SRPRA: variants seen among roughly 807,000 people sequenced by gnomAD.
SRPRA encodes SRP receptor subunit alpha, also known as signal recognition particle receptor subunit alpha.
A neutral mutation model predicts 61.1 loss-of-function variants in SRPRA; 30 were observed. The ratio of observed to expected loss-of-function variants is 0.49; its 90% CI spans 0.37 to 0.67. SRPRA has a LOEUF of 0.67. Ranked by LOEUF, SRPRA falls within the 30% of genes least tolerant of loss-of-function variation. The pLI is 0.00. For missense variants in SRPRA, 759 were observed against 828.4 expected, an observed-to-expected ratio of 0.92 and a Z score of 1.03; for synonymous variants, 324 against 299.7, an observed-to-expected ratio of 1.08 and a Z score of -0.84.
the SRPRA span, chr11:126,241,151 A>G: frequency 8.5e-7 from 1 of 1,175,148 alleles, no homozygotes; most frequent in Non-Finnish European, 1.2e-6. Context: ...TAACAGGGAT[A>G]TTCATTTACA....
chr11:126,248,307 A>T, the SRPRA span, among the ~76,000 whole-genome samples: 2 of 137,704 alleles, frequency 1.5e-5, no homozygotes, highest in Non-Finnish European at 1.5e-5. Flanking sequence ...AAAGAGCACC[A>T]TATTTTTTAT....
chr11:126,240,265 CT>C, the SRPRA span, among the ~76,000 whole-genome samples: 7 of 146,058 alleles, frequency 4.8e-5, no homozygotes, highest in South Asian at 6.5e-4. Flanking sequence ...CTATTGGCCA[CT>C]TTTTTTTTCT....
chr11:126,241,027 A>G, the SRPRA span: 3 of 1,600,044 alleles, frequency 1.9e-6, no homozygotes, highest in Non-Finnish European at 2.6e-6. Flanking sequence ...CCATGACCTT[A>G]TCCAGAAACT....
chr11:126,246,988 A>C, the SRPRA span, among the ~76,000 whole-genome samples: 3 of 152,198 alleles, frequency 2.0e-5, no homozygotes, highest in Admixed American at 2.0e-4. Context: ...GGGACCCCCT[A>C]TCTCTACACA....
In SRPRA at chr11:126,266,040, T is replaced by A. The variant is rs767522749; in HGVS notation, c.974A>T (p.Lys325Met). 1.2e-6 allele frequency: 2 copies of A among 1,614,172 alleles called. No homozygotes were observed. Among genetic ancestry groups the A allele is most frequent in the Non-Finnish European group, 8.5e-7 (1 of 1,180,040 alleles). ...CAAGCTCTTTGAACCCACAAGGCCC[T>A]TCAGCATACCAAACATGCCACCCAG... ...GTLGGMFGMLKGLVGSKSLSR... is the reference protein window; with the variant it reads ...GTLGGMFGMLMGLVGSKSLSR... Residue 325 changes from lysine (K) to methionine (M), a missense_variant, in exon 8 of 14, where the codon AAG becomes ATG. This residue lies in a region of SRPRA where 475 missense variants were observed against 462.5 expected (regional missense o/e 1.03). Transcript: ENST00000332118.
downstream of SRPRA, chr11:126,262,469 C>T (rs867068066): frequency 8.8e-6 from 3 of 340,364 alleles, no homozygotes; most frequent in Middle Eastern, 7.7e-4. Context: ...ATGAAGGACT[C>T]GGGGTCTGGA....
chr11:126,237,993 G>A, the SRPRA span, among the ~76,000 whole-genome samples: 1 of 151,196 alleles, frequency 6.6e-6, no homozygotes, highest in Non-Finnish European at 1.5e-5. Context: ...TGGTATAACT[G>A]TTATGTTGGG....
chr11:126,245,665 G>T, the SRPRA span, among the ~76,000 whole-genome samples: 12 of 151,960 alleles, frequency 7.9e-5, no homozygotes, highest in African/African-American at 2.9e-4. Context: ...TTGTACCTCA[G>T]CCTGGGCAAC....
chr11:126,242,006 C>T, the SRPRA span, among the ~76,000 whole-genome samples: 1 of 111,220 alleles, frequency 9.0e-6, no homozygotes, highest in Non-Finnish European at 1.7e-5. Flanking sequence ...GCCTGGGCGA[C>T]AGAGGAAGAC....
At chr11:126,260,205 G>T (rs1288956200), downstream of SRPRA, among the ~76,000 whole-genome samples, 1 of 151,506 alleles carries the variant, frequency 6.6e-6, no homozygotes, top group Non-Finnish European at 1.5e-5. Flanking sequence ...GCTAATTTTT[G>T]TATTTTTTGT....
At chr11:126,252,827 G>T in the SRPRA span, among the ~76,000 whole-genome samples, 2 of 152,086 alleles carry the variant, frequency 1.3e-5, no homozygotes, top group Non-Finnish European at 2.9e-5. The surrounding 1 kb of genome is among the most constrained non-coding windows in gnomAD (Gnocchi z 4.7). Flanking sequence ...TTGAGGTCAG[G>T]ATTTTGAGAC....
Position 126,267,993 on chromosome 11 carries a change from C to T in SRPRA, c.201+10G>A, listed in dbSNP as rs1264522726. The stretch of plus-strand genomic sequence containing the variant: ...ACAATGCAATCGTCCCTCTACAACA[C>T]CCCACTTACCACAAACACCAGCTCA... On this transcript the variant is annotated intron_variant, in intron 2 of 13. Coordinates refer to ENST00000332118, the MANE Select transcript of SRPRA (RefSeq NM_003139.4). This position sits in a 1 kb window ranked among gnomAD's most constrained non-coding sequence, Gnocchi z 4.2. The T allele has an allele frequency of 1.2e-6, 2 of 1,613,796 alleles. No homozygotes were observed. The highest frequency in any genetic ancestry group is 1.7e-6 in the Non-Finnish European group (2 of 1,179,706).
the SRPRA span, among the ~76,000 whole-genome samples, chr11:126,256,073 C>T: frequency 6.6e-5 from 10 of 152,330 alleles, no homozygotes; most frequent in African/African-American, 2.2e-4. The surrounding 1 kb of genome is among the most constrained non-coding windows in gnomAD (Gnocchi z 6.6). Flanking sequence ...GAGTACCAGA[C>T]CAGCCTGGCC....
intron 7 of SRPRA, 43 bp from the exon 8 acceptor site, chr11:126,266,124 C>G: frequency 5.0e-6 from 8 of 1,612,666 alleles, no homozygotes; most frequent in Non-Finnish European, 6.8e-6. Context: ...AACCAGTAGG[C>G]AGGAGTTGTA....
Position 126,263,646 on chromosome 11 carries a change from T to A in SRPRA, c.*270A>T, listed in dbSNP as rs1179655901. On this transcript the variant is annotated 3_prime_UTR_variant, in exon 14 of 14. Transcript: ENST00000332118. Reference sequence around the variant, plus strand: ...TGGTCAAAGCTGTAATAAGACTGAGTCTGTAGGCAGAGTGAAGGGGGTGCC... The same window carrying A: ...TGGTCAAAGCTGTAATAAGACTGAGACTGTAGGCAGAGTGAAGGGGGTGCC... The A allele has an allele frequency of 1.1e-5, 5 of 437,058 alleles. No homozygotes were observed. The highest frequency in any genetic ancestry group is 2.1e-5 in the Non-Finnish European group (5 of 239,372). 27.1% of individuals were successfully genotyped at this position (437,058 alleles called of 1,614,324 possible). A position where few individuals can be genotyped will look rare whatever the true frequency, so the allele number is the denominator to read the frequency against.
the SRPRA span, among the ~76,000 whole-genome samples, chr11:126,252,759 G>GAT: frequency 6.6e-6 from 1 of 152,146 alleles, no homozygotes; most frequent in Non-Finnish European, 1.5e-5. This position sits in a 1 kb window ranked among gnomAD's most constrained non-coding sequence, Gnocchi z 4.7. Context: ...AATAGGCTGG[G>GAT]CACAGTGGTT....
chr11:126,237,794 T>G, the SRPRA span, among the ~76,000 whole-genome samples: 2 of 142,316 alleles, frequency 1.4e-5, no homozygotes, highest in East Asian at 4.2e-4. Flanking sequence ...GAGGCGGAGG[T>G]TGCAGTGAGC....
At chr11:126,241,848 C>T in the SRPRA span, among the ~76,000 whole-genome samples, 4 of 152,022 alleles carry the variant, frequency 2.6e-5, no homozygotes, top group African/African-American at 9.7e-5. Context: ...CTGCACCCAG[C>T]CTGTTTTAAA....
At chr11:126,247,341 G>A in the SRPRA span, among the ~76,000 whole-genome samples, 1 of 152,130 alleles carries the variant, frequency 6.6e-6, no homozygotes, top group African/African-American at 2.4e-5. Flanking sequence ...CAATGCAGTT[G>A]CAGAATCATA....
Sources: allele counts gnomAD v4.1 joint callset (sites outside exome capture counted in the v4.1 genomes callset), GRCh38; gene constraint gnomAD v4.1.1; regional missense constraint gnomAD v4.1.1; non-coding constraint Gnocchi (gnomAD v3.1); transcripts MANE v1.5; gene names NCBI Gene and HGNC (gene_info 2026-07-23, HGNC 2026-07-21).